BRWD1: variants seen among roughly 807,000 people sequenced by gnomAD.
BRWD1 encodes bromodomain and WD repeat-containing protein 1.
BRWD1 carries 82 observed loss-of-function variants against 251.2 expected under a neutral mutation model. The ratio of observed to expected loss-of-function variants is 0.33; its 90% CI spans 0.27 to 0.39. BRWD1 has a LOEUF of 0.39. BRWD1 is among the 10% of genes least tolerant of loss of function. BRWD1 has a pLI of 1.00. For missense variants in BRWD1, 2,233 were observed against 2,711.6 expected (o/e 0.82, Z 3.92); for synonymous variants, 918 against 902.8 (o/e 1.02, Z -0.30).
chr21:39,197,297 G>A lies in BRWD1; in HGVS notation c.5772C>T (p.Leu1924=). 1.2e-6 allele frequency: 2 copies of A among 1,614,052 alleles called. No individual in the cohort carries two copies. Among genetic ancestry groups the A allele is most frequent in the Non-Finnish European group, 1.7e-6 (2 of 1,179,950 alleles). Reference sequence around the variant, plus strand: ...CTGCACATCTTCGAGTAATCCTCAGGAGACCTGTTCTGGCTTTTGATGATT... The same window carrying A: ...CTGCACATCTTCGAGTAATCCTCAGAAGACCTGTTCTGGCTTTTGATGATT... The part of the protein sequence containing the change: ...VKKSSKARTG[L]LRITRRCAAT... The change falls in exon 41 of 41, where the codon CTC becomes CTT. Residue 1924 remains leucine, a synonymous_variant. Coordinates refer to ENST00000342449, the MANE Select transcript of BRWD1 (RefSeq NM_033656.4).
chr21:39,223,753 G>A (rs552400522), intron 29 of BRWD1, among the ~76,000 whole-genome samples: 1 of 152,352 alleles, frequency 6.6e-6, no homozygotes, highest in Middle Eastern at 3.4e-3. Flanking sequence ...GCAGAAGACA[G>A]ATGGAAGTCA....
chr21:39,236,773 G>C lies in BRWD1; in HGVS notation c.2588C>G (p.Ser863Cys). Reference sequence around the variant, plus strand: ...ATCAGCTGTCCAATCGGAATATCTAGATGAAGAGTCACTAGAAAAGGGGAG... The same window carrying C: ...ATCAGCTGTCCAATCGGAATATCTACATGAAGAGTCACTAGAAAAGGGGAG... ...SYSESSSDSS[S>C]RYSDWTADAG... The change falls in exon 23 of 41, where the codon TCT becomes TGT. Residue 863 changes from serine to cysteine, a missense_variant. Physicochemically the swap from Ser to Cys is moderately radical, Grantham distance 112. This residue lies in a region of BRWD1 where 214 missense variants were observed against 222.0 expected (regional missense o/e 0.96). Transcript: ENST00000342449. 6.2e-7 allele frequency: 1 copy of C among 1,613,060 alleles called. No homozygotes were observed. Among genetic ancestry groups the C allele is most frequent in the Non-Finnish European group, 8.5e-7 (1 of 1,179,698 alleles).
chr21:39,196,490 A>G lies in BRWD1; in HGVS notation c.6579T>C (p.Thr2193=), dbSNP rs929757900. The G allele has an allele frequency of 6.2e-7, 1 of 1,613,472 alleles. No homozygotes were observed. Among genetic ancestry groups the G allele is most frequent in the Admixed American group, 1.7e-5 (1 of 59,926 alleles). ...GKAKVVRKGK[T]FTANISKTVR... ...CAGTTTTAGATATGTTAGCTGTAAAAGTTTTACCTTTTCTAACTACTTTTG... is the reference window on the plus strand; with the variant it reads ...CAGTTTTAGATATGTTAGCTGTAAAGGTTTTACCTTTTCTAACTACTTTTG... The change falls in exon 41 of 41, where the codon ACT becomes ACC. Residue 2193 remains threonine (T), a synonymous_variant. Transcript: ENST00000342449.
intron 7 of BRWD1, among the ~76,000 whole-genome samples, chr21:39,294,454 G>GA (rs1475959636): frequency 1.3e-5 from 2 of 151,152 alleles, no homozygotes; most frequent in Non-Finnish European, 2.9e-5. Context: ...TCAGGAGATC[G>GA]AGACCATCCT....
chr21:39,299,111 T>C (rs2036036260), intron 4 of BRWD1, among the ~76,000 whole-genome samples: 1 of 152,122 alleles, frequency 6.6e-6, no homozygotes. Flanking sequence ...TAGTCCCAGC[T>C]ACTTGGGAGG....
upstream of BRWD1, chr21:39,314,125 C>T (rs1325487338): frequency 6.6e-6 from 3 of 455,872 alleles, no homozygotes; most frequent in Non-Finnish European, 1.3e-5. Context: ...TCTTGCCCCG[C>T]ACGGAAGACC....
intron 20 of BRWD1, among the ~76,000 whole-genome samples, 177 bp from the exon 21 acceptor site, chr21:39,248,009 A>G (rs1401477305): frequency 6.6e-6 from 1 of 152,202 alleles, no homozygotes; most frequent in African/African-American, 2.4e-5. Flanking sequence ...TTTACTTTTA[A>G]GGTCCTTAGA....
At chr21:39,236,338 G>A (rs899040609) in intron 23 of BRWD1, among the ~76,000 whole-genome samples, 28 of 152,154 alleles carry the variant, frequency 1.8e-4, no homozygotes, top group African/African-American at 3.1e-4. Flanking sequence ...ATCCACAGGG[G>A]TTGAAAGTAG....
chr21:39,315,828 T>A (rs1336111038), upstream of BRWD1: 2 of 151,832 alleles, frequency 1.3e-5, no homozygotes, highest in Non-Finnish European at 2.9e-5. Flanking sequence ...AAGCAAATAA[T>A]GACACGATTT....
intron 16 of BRWD1, 29 bp from the exon 17 acceptor site, chr21:39,264,714 T>C: frequency 6.5e-7 from 1 of 1,545,962 alleles, no homozygotes; most frequent in Non-Finnish European, 8.8e-7. Flanking sequence ...CAGGATGACA[T>C]TTTAAGGTTC....
intron 31 of BRWD1, chr21:39,217,069 ATATATATATATATATTTTTTTTTT>A (rs2032966038): frequency 1.1e-4 from 1 of 8,784 alleles, no homozygotes; most frequent in African/African-American, 4.3e-4. Context: ...ATATATATAT[ATATATATATATATATTTTTTTTTT>A]TTTTTTTTTT....
Position 39,192,306 on chromosome 21 carries a change from T to C in BRWD1, c.*3953A>G, listed in dbSNP as rs1050850604. 2 of 985,174 alleles carry C rather than the reference T, an allele frequency of 2.0e-6. No homozygotes were observed. Among genetic ancestry groups the C allele is most frequent in the South Asian group, 4.7e-5 (1 of 21,288 alleles). 61.0% of individuals were successfully genotyped at this position (985,174 alleles called of 1,614,324 possible). ...CACAGTTTGAGCTAGGAATTAACAT[T>C]TGCTAATCTAGTTGGACTCAGTTTT... On this transcript the variant is annotated 3_prime_UTR_variant, in exon 41 of 41. Transcript: ENST00000342449.
intron 4 of BRWD1, among the ~76,000 whole-genome samples, chr21:39,299,648 A>T (rs1458566599): frequency 6.6e-6 from 1 of 152,118 alleles, no homozygotes; most frequent in African/African-American, 2.4e-5. Context: ...TACATTAACT[A>T]ATCCCACAAA....
rs144295288 is a variant in BRWD1, at chr21:39,202,508, T to C, written c.4402A>G (p.Ile1468Val). Residue 1468 changes from isoleucine (I) to valine (V), a missense_variant, in exon 38 of 41, where the codon ATA becomes GTA. Coordinates refer to ENST00000342449, the MANE Select transcript of BRWD1 (RefSeq NM_033656.4). Reference protein sequence around the residue: ...KPKRLKSQTKIIPELVGSPTQ... With the variant: ...KPKRLKSQTKVIPELVGSPTQ... ...GGAGAACCTACCAACTCAGGAATTA[T>C]TTTTGTCTGAGATTTTAACCTCTTC... is the stretch of plus-strand genomic sequence containing the variant. The C allele has an allele frequency of 4.4e-3, 7,115 of 1,613,260 alleles. 24 individuals carry two copies. Among genetic ancestry groups the C allele is most frequent in the Non-Finnish European group, 5.2e-3 (6,097 of 1,179,234 alleles).
chr21:39,267,489 C>T (rs1056588572), intron 15 of BRWD1, among the ~76,000 whole-genome samples: 3 of 152,170 alleles, frequency 2.0e-5, no homozygotes, highest in Non-Finnish European at 2.9e-5. Flanking sequence ...ATCCCAGCTA[C>T]TTGAGAGGCT....
At chr21:39,217,076 TATA>T (rs2032971143) in intron 31 of BRWD1, 3 of 12,732 alleles carry the variant, frequency 2.4e-4, no homozygotes, top group Non-Finnish European at 4.5e-4. Flanking sequence ...TATATATATA[TATA>T]TATATTTTTT....
rs1257364252 is a variant in BRWD1 at position 39,194,259 on chromosome 21, T to TA, written c.*1999dup. 8 of 989,244 alleles carry TA rather than the reference T, an allele frequency of 8.1e-6. No homozygotes were observed. In the African/African-American group the frequency reaches 1.4e-4, roughly 17 times the overall value. 61.3% of individuals were successfully genotyped at this position (989,244 alleles called of 1,614,324 possible). ...CTTATGAATGTATTCCATATTTATT[T>TA]ATGGATTTTTTTGGTACCTTTTTGC... On this transcript the variant is annotated 3_prime_UTR_variant, in exon 41 of 41. Transcript: ENST00000342449.
intron 21 of BRWD1, among the ~76,000 whole-genome samples, chr21:39,240,959 G>A (rs1601359458): frequency 1.3e-5 from 2 of 151,632 alleles, no homozygotes; most frequent in Admixed American, 1.3e-4. Flanking sequence ...GGAGGGCAGT[G>A]GCACTGTCTC....
In BRWD1 at chr21:39,189,464, AAAAGT is replaced by A. The variant is rs2031430125; in HGVS notation, c.*6790_*6794del. On this transcript the variant is annotated 3_prime_UTR_variant, in exon 41 of 41. Coordinates refer to ENST00000342449, the MANE Select transcript of BRWD1 (RefSeq NM_033656.4). ...GTTTATTTGTCATCCAGAATAATGG[AAAAGT>A]TAAGATTCTGCAGGAAAAAAAAAAC... 14 of 974,590 alleles carry A rather than the reference AAAAGT, an allele frequency of 1.4e-5. No individual in the cohort carries two copies. The highest frequency in any genetic ancestry group is 1.8e-5 in the African/African-American group (1 of 56,914). 60.4% of individuals were successfully genotyped at this position (974,590 alleles called of 1,614,324 possible).
Sources: allele counts gnomAD v4.1 joint callset (sites outside exome capture counted in the v4.1 genomes callset), GRCh38; gene constraint gnomAD v4.1.1; regional missense constraint gnomAD v4.1.1; transcripts MANE v1.5; gene names NCBI Gene and HGNC (gene_info 2026-07-23, HGNC 2026-07-21).